Variants in BCAS3 observed in about 807,000 individuals in gnomAD.
BCAS3 encodes BCAS3 microtubule associated cell migration factor, also known as BCAS4/BCAS3 fusion.
Under a neutral mutation model 116.1 loss-of-function variants are expected in BCAS3, and 53 were observed. The observed-to-expected ratio is 0.46, with a 90% CI of 0.37 to 0.57. The LOEUF is 0.57. BCAS3 is among the 20% of genes least tolerant of loss of function. The probability of loss-of-function intolerance (pLI) is 0.00; values close to 1 mark genes in which losing one functional copy is unlikely to be tolerated. For synonymous variants in BCAS3, 391 were observed against 408.2 expected (o/e 0.96, Z 0.51); for missense variants, 917 against 1,165.4 (o/e 0.79, Z 3.10).
intron 6 of BCAS3, among the ~76,000 whole-genome samples, chr17:60,758,143 T>A (rs2043177105): frequency 6.6e-6 from 1 of 152,226 alleles, no homozygotes; most frequent in Non-Finnish European, 1.5e-5. Context: ...ATCATGCTAT[T>A]CTGGTTACTA....
chr17:61,070,005 C>T (rs1330894004), intron 19 of BCAS3: 3 of 1,593,802 alleles, frequency 1.9e-6, no homozygotes, highest in South Asian at 2.2e-5. Flanking sequence ...CGTCACCCAC[C>T]TTCCGGCAGC....
At position 61,203,143 on chromosome 17, in the gene BCAS3, A is replaced by G. The variant is rs1051805843; in HGVS notation, c.2425+118579A>G. On this transcript the variant is annotated intron_variant, in intron 22 of 23. Transcript: ENST00000407086. This position sits in a 1 kb window ranked among gnomAD's most constrained non-coding sequence, Gnocchi z 5.7. ...AAGGGAATAGTTTTTTCCCCTCACA[A>G]TTTCAAGACTTCTCTTTTATTCTTC... Among the ~76,000 whole-genome samples the G allele has an allele frequency of 6.6e-6, 1 of 151,974 alleles. No individual in the cohort carries two copies. The highest frequency in any genetic ancestry group is 1.5e-5 in the Non-Finnish European group (1 of 67,990).
chr17:61,249,392 G>C lies in BCAS3; in HGVS notation c.2426-118935G>C, dbSNP rs2144539136. The stretch of plus-strand genomic sequence containing the variant: ...CCTGTGCCTTTTTTTGATGTTCCCA[G>C]AGCAGAGCACTCCTTAAACTAGGAT... On this transcript the variant is annotated intron_variant, in intron 22 of 23. Transcript: ENST00000407086. The surrounding 1 kb of genome is among the most constrained non-coding windows in gnomAD (Gnocchi z 6.2). Among the ~76,000 whole-genome samples, 1 of 152,284 alleles carries C rather than the reference G, an allele frequency of 6.6e-6. No individual in the cohort carries two copies. Among genetic ancestry groups the C allele is most frequent in the East Asian group, 1.9e-4 (1 of 5,188 alleles).
At chr17:60,945,758 A>G (rs1160581609) in intron 13 of BCAS3, among the ~76,000 whole-genome samples, 1 of 151,846 alleles carries the variant, frequency 6.6e-6, no homozygotes, top group Non-Finnish European at 1.5e-5. Context: ...CCAAGAATGC[A>G]CTACTGCACT....
intron 13 of BCAS3, among the ~76,000 whole-genome samples, chr17:60,934,313 A>G (rs937728392): frequency 6.6e-6 from 1 of 152,206 alleles, no homozygotes; most frequent in Non-Finnish European, 1.5e-5. Context: ...ACTTAATTGA[A>G]TAAAGGTGCT....
chr17:61,374,012 C>T (rs545770068), intron 23 of BCAS3, among the ~76,000 whole-genome samples: 3 of 151,046 alleles, frequency 2.0e-5, no homozygotes, highest in Admixed American at 6.6e-5. Context: ...GACGGAGTTT[C>T]ACCATGTTAG....
At chr17:61,158,983 A>G (rs2078015359) in intron 22 of BCAS3, among the ~76,000 whole-genome samples, 1 of 152,214 alleles carries the variant, frequency 6.6e-6, no homozygotes, top group Non-Finnish European at 1.5e-5. Flanking sequence ...TCAACAACTC[A>G]AAATATATGT....
intron 16 of BCAS3, among the ~76,000 whole-genome samples, chr17:61,027,773 A>C (rs2145576892): frequency 6.6e-6 from 1 of 151,988 alleles, no homozygotes; most frequent in Middle Eastern, 3.4e-3. Context: ...TAATGGACTC[A>C]CTATGAGTAT....
rs1182475386 is a variant in BCAS3 at position 61,045,823 on chromosome 17, TTCTCTCTC to T, written c.2029+4951_2029+4958del. Among the ~76,000 whole-genome samples, 6 of 34,628 alleles carry T rather than the reference TTCTCTCTC, an allele frequency of 1.7e-4. No homozygotes were observed. In the East Asian group the frequency reaches 3.1e-3, roughly 18 times the overall value. The allele number at this position is 34,628 out of a possible 152,430, so 22.7% of individuals were successfully genotyped here. ...AGAGTGAGTGAGACTTCATCTCTCTTTCTCTCTCTCTCTCTCTCTCTCTCTCTATATAT... is the reference window on the plus strand; with the variant it reads ...AGAGTGAGTGAGACTTCATCTCTCTTTCTCTCTCTCTCTCTCTCTATATAT... On this transcript the variant is annotated intron_variant, in intron 19 of 23. Transcript: ENST00000407086.
intron 6 of BCAS3, among the ~76,000 whole-genome samples, chr17:60,761,576 G>T (rs1320299469): frequency 6.6e-6 from 1 of 152,140 alleles, no homozygotes; most frequent in Non-Finnish European, 1.5e-5. Context: ...TGGTGTATAT[G>T]TGCCACATTT....
chr17:61,278,951 CT>C lies in BCAS3; in HGVS notation c.2426-89360del, dbSNP rs869116570. On this transcript the variant is annotated intron_variant, in intron 22 of 23. Coordinates refer to ENST00000407086, the MANE Select transcript of BCAS3 (RefSeq NM_017679.5). This position sits in a 1 kb window ranked among gnomAD's most constrained non-coding sequence, Gnocchi z 5.8. The stretch of plus-strand genomic sequence containing the variant: ...ACACTAAAAGCCATTGAATTATGTA[CT>C]TTTTTTTTTTTTTTTAAAGATGGAG... Among the ~76,000 whole-genome samples, 740 of 140,344 alleles carry C rather than the reference CT, an allele frequency of 5.3e-3. No individual in the cohort carries two copies. Among genetic ancestry groups the C allele is most frequent in the East Asian group, 9.1e-3 (44 of 4,816 alleles). The allele number at this position is 140,344 out of a possible 152,430, so 92.1% of individuals were successfully genotyped here. A position where few individuals can be genotyped will look rare whatever the true frequency, so the allele number is the denominator to read the frequency against.
intron 22 of BCAS3, among the ~76,000 whole-genome samples, chr17:61,093,490 G>A (rs2073763614): frequency 6.6e-6 from 1 of 152,144 alleles, no homozygotes; most frequent in African/African-American, 2.4e-5. Context: ...AGGAGGCTGA[G>A]ATGGGAGGAT....
chr17:60,799,520 G>GTTTTTTTTT lies in BCAS3; in HGVS notation c.404-8481_404-8480insTTTTTTTTT, dbSNP rs200098763. ...AATATGTAAGTTTTTTGAGATTAGTGTTTGTTTTTTTTTTTTTTTTTTTTT... is the reference window on the plus strand; with the variant it reads ...AATATGTAAGTTTTTTGAGATTAGTGTTTTTTTTTTTTGTTTTTTTTTTTTTTTTTTTTT... On this transcript the variant is annotated intron_variant, in intron 6 of 23. Coordinates refer to ENST00000407086, the MANE Select transcript of BCAS3 (RefSeq NM_017679.5). Among the ~76,000 whole-genome samples, 743 of 117,560 alleles carry GTTTTTTTTT rather than the reference G, an allele frequency of 6.3e-3. 167 individuals carry two copies. The highest frequency in any genetic ancestry group is 0.026 in the African/African-American group (715 of 27,106). The allele number at this position is 117,560 out of a possible 152,430, so 77.1% of individuals were successfully genotyped here.
chr17:60,887,360 C>G (rs566441478), intron 9 of BCAS3: 3 of 152,952 alleles, frequency 2.0e-5, no homozygotes, highest in Non-Finnish European at 4.3e-5. Context: ...CTGGCACTCC[C>G]TAGTGAGATG....
rs2051622773 is a variant in BCAS3 at position 61,285,086 on chromosome 17, G to T, written c.2426-83241G>T. ...TGCCTACTGACTGATGCTAACCTCG[G>T]GGTCTCTTCTGTCCCCTAGTGATTC... On this transcript the variant is annotated intron_variant, in intron 22 of 23. Transcript: ENST00000407086. This position sits in a 1 kb window ranked among gnomAD's most constrained non-coding sequence, Gnocchi z 5.4. Among the ~76,000 whole-genome samples, 1 of 152,150 alleles carries T rather than the reference G, an allele frequency of 6.6e-6. No individual in the cohort carries two copies. Among genetic ancestry groups the T allele is most frequent in the South Asian group, 2.1e-4 (1 of 4,826 alleles).
intron 22 of BCAS3, among the ~76,000 whole-genome samples, chr17:61,085,213 C>T (rs1391648189): frequency 1.3e-5 from 2 of 152,198 alleles, no homozygotes; most frequent in East Asian, 3.8e-4. Context: ...TTTCTCGTCT[C>T]TAAGTCAAGT....
chr17:60,848,740 C>A (rs940979083), intron 7 of BCAS3, among the ~76,000 whole-genome samples: 11 of 151,672 alleles, frequency 7.3e-5, no homozygotes, highest in Non-Finnish European at 1.5e-4. Flanking sequence ...GCTCTGTCAC[C>A]CAGGCTGGAG....
chr17:61,212,021 G>C (rs1250059279), intron 22 of BCAS3, among the ~76,000 whole-genome samples: 1 of 152,216 alleles, frequency 6.6e-6, no homozygotes, highest in Non-Finnish European at 1.5e-5. Flanking sequence ...AATCTTTTCT[G>C]TAAGGCTATG....
intron 5 of BCAS3, among the ~76,000 whole-genome samples, chr17:60,724,199 G>A (rs1321556950): frequency 2.0e-5 from 3 of 149,488 alleles, no homozygotes; most frequent in African/African-American, 7.4e-5. Context: ...CAAGGCAGGC[G>A]GGCCCCTTGA....
Sources: gnomAD v4.1 joint callset for allele counts (sites outside exome capture counted in the v4.1 genomes callset) on GRCh38, gnomAD v4.1.1 for gene constraint, Gnocchi (gnomAD v3.1) non-coding constraint, MANE v1.5 for transcripts, NCBI Gene and HGNC (gene_info 2026-07-23, HGNC 2026-07-21) for gene names.